CACNA2D3: variants seen among roughly 807,000 people sequenced by gnomAD.
The protein encoded by CACNA2D3 is calcium voltage-gated channel auxiliary subunit alpha2delta 3.
In CACNA2D3, 60 loss-of-function variants were observed where a neutral mutation model predicts 160.6. That is an observed-to-expected ratio of 0.37 (90% CI 0.30 to 0.46). The LOEUF is 0.46. Ranked by LOEUF, CACNA2D3 falls within the 20% of genes least tolerant of loss-of-function variation. The probability of loss-of-function intolerance (pLI) is 1.00; values close to 1 mark genes in which losing one functional copy is unlikely to be tolerated. For synonymous variants in CACNA2D3, 558 were observed against 492.9 expected (o/e 1.13, Z -1.75); for missense variants, 1,205 against 1,365.0 (o/e 0.88, Z 1.85).
intron 9 of CACNA2D3, among the ~76,000 whole-genome samples, chr3:54,600,113 C>G (rs1703035052): frequency 6.6e-6 from 1 of 152,070 alleles, no homozygotes; most frequent in Non-Finnish European, 1.5e-5. Flanking sequence ...CAGAACGTTG[C>G]CAGTTCTGCG....
intron 3 of CACNA2D3, among the ~76,000 whole-genome samples, chr3:54,369,167 C>CGTTT (rs1048041034): frequency 6.6e-6 from 1 of 151,718 alleles, no homozygotes; most frequent in Non-Finnish European, 1.5e-5. Flanking sequence ...TGTTGAGTTT[C>CGTTT]GTTTGTTTGT....
intron 27 of CACNA2D3, among the ~76,000 whole-genome samples, chr3:54,968,068 A>C (rs1293302778): frequency 6.6e-6 from 1 of 152,198 alleles, no homozygotes; most frequent in African/African-American, 2.4e-5. Context: ...TAGACATGCA[A>C]GTTCAAACAG....
chr3:54,926,451 C>T (rs995498542), intron 27 of CACNA2D3, among the ~76,000 whole-genome samples: 17 of 151,560 alleles, frequency 1.1e-4, no homozygotes, highest in African/African-American at 3.9e-4. Flanking sequence ...TCCACTTTTC[C>T]TCCCTCCAGA....
At chr3:54,867,586 A>T (rs188389649) in intron 17 of CACNA2D3, among the ~76,000 whole-genome samples, 3 of 151,054 alleles carry the variant, frequency 2.0e-5, no homozygotes, top group Admixed American at 1.3e-4. Context: ...TAAAGTATTG[A>T]TACATGAAAC....
chr3:54,598,246 T>C (rs1161267834), intron 9 of CACNA2D3, among the ~76,000 whole-genome samples: 3 of 128,314 alleles, frequency 2.3e-5, no homozygotes, highest in African/African-American at 9.1e-5. Flanking sequence ...AGGCGGAGGT[T>C]GCAGTGAGCC....
intron 4 of CACNA2D3, among the ~76,000 whole-genome samples, chr3:54,439,617 A>G (rs1477324007): frequency 6.6e-6 from 1 of 152,024 alleles, no homozygotes; most frequent in African/African-American, 2.4e-5. Context: ...TAGGAGGGAG[A>G]AACAGTGGGT....
At chr3:54,916,681 T>G (rs1700669913) in intron 27 of CACNA2D3, among the ~76,000 whole-genome samples, 2 of 152,138 alleles carry the variant, frequency 1.3e-5, no homozygotes, top group Admixed American at 1.3e-4. Context: ...GGTGCATCCG[T>G]GTGAGACCTG....
At chr3:54,709,123 C>T (rs1440918888) in intron 11 of CACNA2D3, among the ~76,000 whole-genome samples, 2 of 151,796 alleles carry the variant, frequency 1.3e-5, no homozygotes, top group Admixed American at 6.6e-5. Context: ...AATTCTCCCG[C>T]CTCAGCCTCC....
At chr3:54,469,093 T>G (rs749445064) in intron 4 of CACNA2D3, among the ~76,000 whole-genome samples, 1 of 152,174 alleles carries the variant, frequency 6.6e-6, no homozygotes, top group Non-Finnish European at 1.5e-5. Context: ...ACAGACTGCC[T>G]CCTGAAGTGG....
intron 27 of CACNA2D3, among the ~76,000 whole-genome samples, chr3:54,959,495 T>A (rs1251135667): frequency 6.9e-6 from 1 of 145,570 alleles, no homozygotes; most frequent in Non-Finnish European, 1.5e-5. Context: ...TCAGAGATGT[T>A]TGGCAACTAT....
chr3:54,950,346 C>A (rs150704349), intron 27 of CACNA2D3, among the ~76,000 whole-genome samples: 1 of 152,118 alleles, frequency 6.6e-6, no homozygotes, highest in Non-Finnish European at 1.5e-5. Flanking sequence ...CTACAAAGGC[C>A]CCTTTTAATC....
intron 13 of CACNA2D3, among the ~76,000 whole-genome samples, chr3:54,805,337 C>G (rs1703094316): frequency 6.6e-6 from 1 of 152,112 alleles, no homozygotes; most frequent in Non-Finnish European, 1.5e-5. Context: ...AGAGAAGAAT[C>G]AAATAGACGC....
chr3:54,939,232 C>T (rs757346950), intron 27 of CACNA2D3, among the ~76,000 whole-genome samples: 11 of 152,156 alleles, frequency 7.2e-5, no homozygotes, highest in Non-Finnish European at 1.3e-4. Context: ...CATGTTATTT[C>T]TCCACCACTC....
intron 2 of CACNA2D3, among the ~76,000 whole-genome samples, chr3:54,149,913 C>CTCTT (rs1700108500): frequency 1.0e-5 from 1 of 95,462 alleles, no homozygotes; most frequent in African/African-American, 4.5e-5. Flanking sequence ...CTCTCTCTCT[C>CTCTT]TCTCTCTCTC....
intron 2 of CACNA2D3, among the ~76,000 whole-genome samples, chr3:54,217,874 G>GAGAC (rs1701490418): frequency 2.0e-5 from 2 of 99,372 alleles, no homozygotes. Context: ...GAGAGAGACA[G>GAGAC]AGAGAGAGAG....
intron 2 of CACNA2D3, among the ~76,000 whole-genome samples, chr3:54,182,128 G>A (rs1260329940): frequency 6.6e-6 from 1 of 152,100 alleles, no homozygotes; most frequent in African/African-American, 2.4e-5. Context: ...GCAAATACTT[G>A]TGTTTTCTAT....
intron 35 of CACNA2D3, among the ~76,000 whole-genome samples, chr3:55,022,157 C>A (rs1218276991): frequency 1.3e-5 from 2 of 152,022 alleles, no homozygotes; most frequent in South Asian, 4.1e-4. Flanking sequence ...CCATGGACAT[C>A]CCTGTTCATG....
intron 4 of CACNA2D3, among the ~76,000 whole-genome samples, chr3:54,475,203 G>A (rs889462964): frequency 6.6e-6 from 1 of 152,190 alleles, no homozygotes; most frequent in Non-Finnish European, 1.5e-5. Context: ...AGCTTTGCTG[G>A]TGAATTCTCT....
At chr3:54,288,831 A>C (rs1313578943) in intron 2 of CACNA2D3, among the ~76,000 whole-genome samples, 1 of 152,222 alleles carries the variant, frequency 6.6e-6, no homozygotes, top group Non-Finnish European at 1.5e-5. Flanking sequence ...CCACGTGATT[A>C]TCTCAATAGA....
Sources: allele counts gnomAD v4.1 joint callset (sites outside exome capture counted in the v4.1 genomes callset), GRCh38; gene constraint gnomAD v4.1.1; transcripts MANE v1.5; gene names NCBI Gene and HGNC (gene_info 2026-07-23, HGNC 2026-07-21).